Variants in KANSL1 observed in about 807,000 individuals in gnomAD.
KANSL1 encodes MLL1/MLL complex subunit KANSL1.
In KANSL1, 22 loss-of-function variants were observed where a neutral mutation model predicts 103.6. The observed-to-expected ratio is 0.21, with a 90% CI of 0.15 to 0.30. KANSL1 has a LOEUF of 0.30. KANSL1 is among the 10% of genes least tolerant of loss of function. The probability of loss-of-function intolerance (pLI) is 1.00; values close to 1 mark genes in which losing one functional copy is unlikely to be tolerated. For missense variants in KANSL1, 1,337 were observed against 1,399.8 expected, an observed-to-expected ratio of 0.96 and a Z score of 0.72; for synonymous variants, 600 against 527.6, an observed-to-expected ratio of 1.14 and a Z score of -1.88.
chr17:46,108,787 C>G (rs1017730746), intron 2 of KANSL1, among the ~76,000 whole-genome samples: 3 of 152,176 alleles, frequency 2.0e-5, no homozygotes, highest in African/African-American at 4.8e-5. Context: ...CTGGTGCCAA[C>G]AGACCTCATA....
chr17:46,039,993 AGGGC>A, intron 7 of KANSL1, 109 bp from the exon 8 acceptor site: 1 of 930,202 alleles, frequency 1.1e-6, no homozygotes. Flanking sequence ...GACACTTGGC[AGGGC>A]AAGTGCTGTC....
chr17:46,134,914 C>A (rs1033724117), intron 2 of KANSL1, among the ~76,000 whole-genome samples: 3 of 151,962 alleles, frequency 2.0e-5, no homozygotes, highest in Admixed American at 6.6e-5. Context: ...GAGAACTAAA[C>A]CCTGAGGTAC....
At chr17:46,193,443 A>G (rs113417378), upstream of KANSL1, 22,390 of 151,974 alleles carry the variant, frequency 0.15, 2,309 homozygotes, top group Non-Finnish European at 0.22. Flanking sequence ...GCGAGCGAGC[A>G]AGCGGGCGAG....
upstream of KANSL1, among the ~76,000 whole-genome samples, chr17:46,198,166 C>T (rs978301214): frequency 2.8e-4 from 42 of 152,124 alleles, no homozygotes; most frequent in African/African-American, 9.9e-4. Flanking sequence ...CACACAGGAC[C>T]TAGGTAGCCC....
intron 6 of KANSL1, among the ~76,000 whole-genome samples, chr17:46,058,236 G>C (rs1010757790): frequency 6.6e-6 from 1 of 152,208 alleles, no homozygotes. Flanking sequence ...GAAACTATCA[G>C]GCCAGGCAAG....
intron 6 of KANSL1, among the ~76,000 whole-genome samples, chr17:46,065,032 G>C (rs1464325293): frequency 6.6e-6 from 1 of 151,894 alleles, no homozygotes; most frequent in Non-Finnish European, 1.5e-5. Context: ...CTGGAGTGCA[G>C]TGGCACAACC....
intron 2 of KANSL1, among the ~76,000 whole-genome samples, chr17:46,112,487 C>T (rs1163790163): frequency 6.6e-6 from 1 of 151,188 alleles, no homozygotes; most frequent in Admixed American, 6.6e-5. Flanking sequence ...GAATTCGAGA[C>T]CGGCGTGGCC....
At chr17:46,128,424 G>A (rs2043680628) in intron 2 of KANSL1, among the ~76,000 whole-genome samples, 1 of 152,122 alleles carries the variant, frequency 6.6e-6, no homozygotes, top group Non-Finnish European at 1.5e-5. Context: ...ACATTCCAGA[G>A]GTAAGAAGAG....
At chr17:46,136,971 A>C (rs1252816340) in intron 2 of KANSL1, among the ~76,000 whole-genome samples, 2 of 152,248 alleles carry the variant, frequency 1.3e-5, no homozygotes, top group Non-Finnish European at 2.9e-5. Context: ...ACCTCAAAAA[A>C]ATTGTAATTC....
At chr17:46,034,087 G>C in intron 11 of KANSL1, 74 bp downstream of exon 11, 4 of 1,562,294 alleles carry the variant, frequency 2.6e-6, no homozygotes, top group Non-Finnish European at 2.6e-6. Flanking sequence ...CCCAACTCTT[G>C]GTCAGAAGAG....
chr17:46,034,564 G>A, intron 10 of KANSL1: 1 of 365,148 alleles, frequency 2.7e-6, no homozygotes, highest in Non-Finnish European at 5.0e-6. Context: ...CATAGGGGTG[G>A]GTACCTGGGA....
At chr17:46,137,866 CAAAAAAAAA>C (rs368446805) in intron 2 of KANSL1, among the ~76,000 whole-genome samples, 2 of 92,490 alleles carry the variant, frequency 2.2e-5, no homozygotes, top group African/African-American at 8.3e-5. Context: ...GACTCTGTCT[CAAAAAAAAA>C]AAAAAAAGAA....
chr17:46,104,172 T>A (rs1312269587), intron 2 of KANSL1, among the ~76,000 whole-genome samples: 2 of 152,348 alleles, frequency 1.3e-5, no homozygotes, highest in East Asian at 1.9e-4. Flanking sequence ...CTTTTAAAAA[T>A]CATTTAAGGT....
At chr17:46,123,083 A>C (rs1468644118) in intron 2 of KANSL1, among the ~76,000 whole-genome samples, 1 of 152,198 alleles carries the variant, frequency 6.6e-6, no homozygotes, top group Non-Finnish European at 1.5e-5. Context: ...AAAGAAAAGA[A>C]TTTTTTTTAG....
At chr17:46,159,496 G>A (rs1443184720) in intron 2 of KANSL1, among the ~76,000 whole-genome samples, 3 of 152,178 alleles carry the variant, frequency 2.0e-5, no homozygotes, top group African/African-American at 7.2e-5. Flanking sequence ...CTCAGACACT[G>A]AAATGACACA....
Position 46,033,480 on chromosome 17 carries a change from C to A in KANSL1, c.2667-20G>T. On this transcript the variant is annotated intron_variant, in intron 11 of 14. Transcript: ENST00000432791. ...CGCCAGCTGCAAAACCAAGAACAGA[C>A]AATCATGAGATGGCAAGCAGGCTAA... 8 of 1,612,622 alleles carry A rather than the reference C, an allele frequency of 5.0e-6. No homozygotes were observed. Among genetic ancestry groups the A allele is most frequent in the South Asian group, 3.3e-5 (3 of 91,022 alleles).
At chr17:46,147,649 A>G (rs2044797991) in intron 2 of KANSL1, among the ~76,000 whole-genome samples, 1 of 152,056 alleles carries the variant, frequency 6.6e-6, no homozygotes, top group South Asian at 2.1e-4. Flanking sequence ...AACTGATAAG[A>G]TACTACATAA....
rs2078198759 is a variant in KANSL1, at chr17:46,062,164, A to G, written c.1848+4373T>C. On this transcript the variant is annotated intron_variant, in intron 6 of 14. Coordinates refer to ENST00000432791, the MANE Select transcript of KANSL1 (RefSeq NM_015443.4). The stretch of plus-strand genomic sequence containing the variant: ...TTACAGCAGATTTACCTCCCCCAAA[A>G]TAGCTTACAACACTTCTCTGCTCAA... Among the ~76,000 whole-genome samples, 4 of 150,964 alleles carry G rather than the reference A, an allele frequency of 2.6e-5. No homozygotes were observed. In the East Asian group the frequency reaches 5.8e-4, roughly 22 times the overall value.
At chr17:46,096,424 G>A (rs927914317) in intron 2 of KANSL1, among the ~76,000 whole-genome samples, 3 of 148,690 alleles carry the variant, frequency 2.0e-5, no homozygotes, top group East Asian at 2.0e-4. Flanking sequence ...AGGTTCAAGC[G>A]ATTCTCCTGC....
Sources: allele counts gnomAD v4.1 joint callset (sites outside exome capture counted in the v4.1 genomes callset), GRCh38; gene constraint gnomAD v4.1.1; transcripts MANE v1.5; gene names NCBI Gene and HGNC (gene_info 2026-07-23, HGNC 2026-07-21).